Variants in AFF2 observed in about 807,000 individuals in gnomAD.
AFF2 encodes the protein ALF transcription elongation factor 2.
Under a neutral mutation model 76.9 loss-of-function variants are expected in AFF2, and 14 were observed. The observed-to-expected ratio is 0.18, with a 90% CI of 0.12 to 0.28. AFF2 has a LOEUF of 0.28. Among genes scored for constraint, AFF2 ranks in the 10% least tolerant of loss-of-function variants. The pLI is 1.00. For synonymous variants in AFF2, 398 were observed against 366.7 expected (o/e 1.09, Z -0.98); for missense variants, 868 against 1,001.1 (o/e 0.87, Z 1.79).
At chrX:148,669,259 T>G (rs1249310432) in intron 3 of AFF2, among the ~76,000 whole-genome samples, 2 of 111,875 alleles carry the variant, frequency 1.8e-5, no homozygotes, top group Non-Finnish European at 3.8e-5. Context: ...CTCTAGGAAG[T>G]TCCAAACTTT....
At chrX:148,532,230 C>T (rs782680864) in intron 1 of AFF2, among the ~76,000 whole-genome samples, 47 of 112,194 alleles carry the variant, frequency 4.2e-4, no homozygotes, top group African/African-American at 1.4e-3. Context: ...ATTATTGAGT[C>T]TACATTAATT....
intron 17 of AFF2, 148 bp from the exon 18 acceptor site, chrX:148,978,214 T>A: frequency 3.9e-6 from 2 of 511,021 alleles, no homozygotes; most frequent in Non-Finnish European, 6.6e-6. Flanking sequence ...TGCTTGCCCC[T>A]TCCCTCTTTA....
intron 3 of AFF2, among the ~76,000 whole-genome samples, chrX:148,786,929 A>G (rs1284028821): frequency 1.8e-5 from 2 of 112,102 alleles, no homozygotes; most frequent in African/African-American, 6.5e-5. Flanking sequence ...CCAGTTAGCC[A>G]GTCTGAGTCT....
At chrX:148,892,526 A>G (rs2071235450) in intron 8 of AFF2, among the ~76,000 whole-genome samples, 2 of 111,437 alleles carry the variant, frequency 1.8e-5, no homozygotes, top group South Asian at 3.8e-4. Context: ...ATTTCAAATG[A>G]AATAATTACA....
intron 1 of AFF2, among the ~76,000 whole-genome samples, chrX:148,562,727 C>G (rs962946798): frequency 1.8e-4 from 20 of 111,693 alleles, no homozygotes; most frequent in African/African-American, 6.5e-4. Context: ...CTCCCTTCCT[C>G]TCTCTTCCTC....
At chrX:148,552,624 C>T (rs2053007794) in intron 1 of AFF2, among the ~76,000 whole-genome samples, 1 of 112,063 alleles carries the variant, frequency 8.9e-6, no homozygotes, top group Non-Finnish European at 1.9e-5. Context: ...GAGCAGTATA[C>T]CTGAACCACT....
intron 3 of AFF2, among the ~76,000 whole-genome samples, chrX:148,714,771 C>T (rs1210644373): frequency 9.0e-6 from 1 of 111,680 alleles, no homozygotes; most frequent in Non-Finnish European, 1.9e-5. Context: ...GTATCCCTAG[C>T]CAGATTGACA....
At position 148,599,177 on chromosome X, in the gene AFF2, A is replaced by G. The variant is rs782096903; in HGVS notation, c.48-52822A>G. 3.7e-3 allele frequency among the ~76,000 whole-genome samples: 412 copies of G among 112,800 alleles called. 2 individuals carry two copies. The highest frequency in any genetic ancestry group is 9.3e-3 in the Middle Eastern group (2 of 216). On this transcript the variant is annotated intron_variant, in intron 1 of 20. Coordinates refer to ENST00000370460, the MANE Select transcript of AFF2 (RefSeq NM_002025.4). Reference sequence around the variant, plus strand: ...ATAAGTTGTGTCATATGCAGGATGCATTACTGACTTTATGACATGCATGCA... The same window carrying G: ...ATAAGTTGTGTCATATGCAGGATGCGTTACTGACTTTATGACATGCATGCA...
At chrX:148,535,830 T>G (rs2052778280) in intron 1 of AFF2, among the ~76,000 whole-genome samples, 1 of 111,576 alleles carries the variant, frequency 9.0e-6, no homozygotes, top group East Asian at 2.8e-4. Flanking sequence ...TGACTCAGCA[T>G]TGGCATGTTG....
chrX:148,836,001 A>G (rs782605195), intron 4 of AFF2, among the ~76,000 whole-genome samples: 1 of 112,036 alleles, frequency 8.9e-6, no homozygotes, highest in South Asian at 3.7e-4. Context: ...AGTCTTAATC[A>G]GGAAAAACCA....
At chrX:148,660,469 G>A (rs191383129) in intron 2 of AFF2, among the ~76,000 whole-genome samples, 20 of 112,037 alleles carry the variant, frequency 1.8e-4, no homozygotes, top group Non-Finnish European at 3.2e-4. Flanking sequence ...ACATACAAAG[G>A]AAAACACACA....
chrX:148,985,280 C>A (rs994692553), intron 19 of AFF2, among the ~76,000 whole-genome samples: 4 of 56,000 alleles, frequency 7.1e-5, no homozygotes, highest in Non-Finnish European at 9.9e-5. Flanking sequence ...GCCCCTGTGC[C>A]TGGCCTTTTT....
intron 3 of AFF2, among the ~76,000 whole-genome samples, chrX:148,695,429 A>G (rs1557261189): frequency 1.8e-5 from 2 of 112,090 alleles, no homozygotes; most frequent in African/African-American, 6.5e-5. Context: ...ACCATCTGAC[A>G]GCAAATAATC....
intron 1 of AFF2, among the ~76,000 whole-genome samples, chrX:148,548,848 A>C (rs1453757661): frequency 8.9e-6 from 1 of 112,783 alleles, no homozygotes; most frequent in Non-Finnish European, 1.9e-5. Context: ...TCATGAAATT[A>C]AAAGAAGATA....
At chrX:148,714,418 G>C (rs1279031879) in intron 3 of AFF2, among the ~76,000 whole-genome samples, 2 of 111,431 alleles carry the variant, frequency 1.8e-5, no homozygotes, top group Non-Finnish European at 3.8e-5. Context: ...TGTGGATTTA[G>C]TTTATGATGC....
chrX:148,778,549 TA>T (rs1420170408), intron 3 of AFF2, among the ~76,000 whole-genome samples: 1 of 111,437 alleles, frequency 9.0e-6, no homozygotes, highest in Non-Finnish European at 1.9e-5. Flanking sequence ...CAGAATTTGT[TA>T]TTGGTCTATT....
At chrX:148,803,929 A>T (rs1234942627) in intron 3 of AFF2, among the ~76,000 whole-genome samples, 1 of 111,055 alleles carries the variant, frequency 9.0e-6, no homozygotes, top group Non-Finnish European at 1.9e-5. Context: ...GAGCCAGCAG[A>T]TGGAAAAGCA....
intron 3 of AFF2, among the ~76,000 whole-genome samples, chrX:148,743,128 C>T (rs1557265823): frequency 8.9e-6 from 1 of 111,950 alleles, no homozygotes; most frequent in African/African-American, 3.2e-5. Flanking sequence ...TTCTTTTCAG[C>T]TTGCAGTTCA....
At chrX:148,868,108 G>T (rs1557277000) in intron 7 of AFF2, among the ~76,000 whole-genome samples, 1 of 111,249 alleles carries the variant, frequency 9.0e-6, no homozygotes, top group Non-Finnish European at 1.9e-5. Flanking sequence ...GCCCTACCAG[G>T]TTTCTCTTAC....
Sources: allele counts gnomAD v4.1 joint callset (sites outside exome capture counted in the v4.1 genomes callset), GRCh38; gene constraint gnomAD v4.1.1; transcripts MANE v1.5; gene names NCBI Gene and HGNC (gene_info 2026-07-23, HGNC 2026-07-21).